Variants in TENM1 observed in about 807,000 individuals in gnomAD.
TENM1 encodes the protein teneurin transmembrane protein 1.
A neutral mutation model predicts 174.8 loss-of-function variants in TENM1; 35 were observed. The ratio of observed to expected loss-of-function variants is 0.20; its 90% CI spans 0.15 to 0.27. The LOEUF (loss-of-function observed/expected upper bound fraction) is 0.27, where lower values mean the gene tolerates loss of function less well. TENM1 is among the 10% of genes least tolerant of loss of function. TENM1 has a pLI of 1.00. For synonymous variants in TENM1, 781 were observed against 798.7 expected, an observed-to-expected ratio of 0.98 and a Z score of 0.37; for missense variants, 1,633 against 2,130.1, an observed-to-expected ratio of 0.77 and a Z score of 4.59.
intron 18 of TENM1, among the ~76,000 whole-genome samples, chrX:124,508,087 A>C (rs770965310): frequency 1.9e-4 from 21 of 112,544 alleles, no homozygotes; most frequent in African/African-American, 6.8e-4. Context: ...CAAAAGACAA[A>C]AAACCGAAAG....
chrX:124,513,045 T>C (rs909049862), intron 18 of TENM1, among the ~76,000 whole-genome samples: 2 of 111,811 alleles, frequency 1.8e-5, no homozygotes, highest in Non-Finnish European at 3.8e-5. Context: ...TAGTTTCCAA[T>C]GTCTGCTGTA....
intron 1 of TENM1, among the ~76,000 whole-genome samples, chrX:124,904,058 C>CGT (rs1347513301): frequency 2.8e-5 from 3 of 106,235 alleles, no homozygotes; most frequent in Admixed American, 9.8e-5. Flanking sequence ...TCAATGGGTG[C>CGT]GTGTGTGTGT....
At chrX:124,724,622 C>G (rs1276249126) in intron 4 of TENM1, among the ~76,000 whole-genome samples, 2 of 110,953 alleles carry the variant, frequency 1.8e-5, no homozygotes, top group Non-Finnish European at 3.8e-5. Flanking sequence ...ATGGCAAAAC[C>G]CCATATCTAC....
intron 1 of TENM1, among the ~76,000 whole-genome samples, chrX:124,923,357 TTGTTTAA>T (rs1302949314): frequency 2.7e-5 from 3 of 111,968 alleles, no homozygotes; most frequent in Non-Finnish European, 5.6e-5. Flanking sequence ...TTTCATCATT[TTGTTTAA>T]TGTTTGTCAC....
At chrX:124,626,848 T>A (rs2050648532) in intron 11 of TENM1, among the ~76,000 whole-genome samples, 1 of 111,781 alleles carries the variant, frequency 8.9e-6, no homozygotes, top group African/African-American at 3.3e-5. Context: ...TATACACCAA[T>A]CCTGCTGATA....
At chrX:124,641,974 T>A in exon 11 of TENM1, 1 of 1,211,255 alleles carries the variant, frequency 8.3e-7, no homozygotes, top group South Asian at 1.8e-5. Context: ...TTGGAACACA[T>A]TGGGTCTAGG....
chrX:124,428,094 A>G (rs111932456), intron 23 of TENM1, among the ~76,000 whole-genome samples: 1,539 of 112,056 alleles, frequency 0.014, 25 homozygotes, highest in African/African-American at 0.047. Context: ...GAAATGTCAA[A>G]ATGCATTTAA....
At chrX:124,398,573 A>C (rs1223491996) in intron 27 of TENM1, among the ~76,000 whole-genome samples, 1 of 112,280 alleles carries the variant, frequency 8.9e-6, no homozygotes, top group Non-Finnish European at 1.9e-5. Context: ...ATTCTTTAAA[A>C]ATTATTTCAT....
intron 11 of TENM1, among the ~76,000 whole-genome samples, chrX:124,627,863 C>A (rs1371295623): frequency 3.6e-5 from 4 of 111,406 alleles, no homozygotes; most frequent in Non-Finnish European, 7.5e-5. Context: ...ATGCTGGCTT[C>A]CTTCTTGAGA....
chrX:124,700,603 G>A (rs748546419), intron 5 of TENM1, among the ~76,000 whole-genome samples: 1 of 111,230 alleles, frequency 9.0e-6, no homozygotes, highest in South Asian at 3.8e-4. Flanking sequence ...AAAGAGTTGG[G>A]CTTTGGTAAG....
chrX:124,743,575 T>A (rs1052972277), intron 3 of TENM1, among the ~76,000 whole-genome samples: 1 of 112,001 alleles, frequency 8.9e-6, no homozygotes, highest in Admixed American at 9.5e-5. Flanking sequence ...CTAGTTTCCA[T>A]GGGCTCAACC....
rs373419421 is a variant in TENM1 at position 124,848,635 on chromosome X, C to T, written c.535+45661G>A. On this transcript the variant is annotated intron_variant, in intron 3 of 31. Coordinates refer to ENST00000422452, the Ensembl canonical transcript of TENM1. ...GGAATCTATTACTGCAGGATAATTC[C>T]CACAGGTACATAAATATGTACATAC... is the stretch of plus-strand genomic sequence containing the variant. 5.5e-4 allele frequency among the ~76,000 whole-genome samples: 61 copies of T among 110,529 alleles called. No individual in the cohort carries two copies. In the South Asian group the frequency reaches 0.021, roughly 39 times the overall value.
At chrX:124,481,695 GTA>G (rs761348190) in intron 22 of TENM1, 35 bp downstream of exon 25, 1,672 of 254,852 alleles carry the variant, frequency 6.6e-3, no homozygotes, top group East Asian at 0.016. Context: ...TGACCCAAGG[GTA>G]TATATATATA....
chrX:125,166,048 G>T, the TENM1 span, among the ~76,000 whole-genome samples: 34 of 111,136 alleles, frequency 3.1e-4, no homozygotes, highest in Non-Finnish European at 6.1e-4. Context: ...ACTCGTTAGG[G>T]AGTAGACACT....
At chrX:124,491,481 G>A (rs769543637) in intron 20 of TENM1, among the ~76,000 whole-genome samples, 12 of 111,452 alleles carry the variant, frequency 1.1e-4, no homozygotes, top group South Asian at 3.8e-4. Flanking sequence ...TTTTAAAGTC[G>A]CAGAGGTTTA....
At chrX:124,436,003 T>C (rs768424362) in intron 23 of TENM1, among the ~76,000 whole-genome samples, 6 of 111,487 alleles carry the variant, frequency 5.4e-5, no homozygotes, top group Non-Finnish European at 9.4e-5. Context: ...CTGGCTGAGG[T>C]CTCCCAATAA....
intron 20 of TENM1, among the ~76,000 whole-genome samples, chrX:124,490,428 G>A (rs183569901): frequency 5.4e-5 from 6 of 111,822 alleles, no homozygotes; most frequent in East Asian, 2.8e-4. Flanking sequence ...TTCCTTCAGC[G>A]GAGAGCTCTA....
intron 31 of TENM1, 41 bp from the exon 35 acceptor site, chrX:124,381,335 G>A (rs1310496582): frequency 1.8e-6 from 2 of 1,131,038 alleles, no homozygotes; most frequent in Non-Finnish European, 2.4e-6. Context: ...CATGGAGTTA[G>A]ACATCTGTCA....
chrX:125,198,598 C>T, the TENM1 span, among the ~76,000 whole-genome samples: 3 of 111,557 alleles, frequency 2.7e-5, no homozygotes, highest in African/African-American at 9.8e-5. Flanking sequence ...AGAGATGGCA[C>T]TGATTTTTCG....
Sources: gnomAD v4.1 joint callset for allele counts (sites outside exome capture counted in the v4.1 genomes callset) on GRCh38, gnomAD v4.1.1 for gene constraint, MANE v1.5 for transcripts, NCBI Gene and HGNC (gene_info 2026-07-23, HGNC 2026-07-21) for gene names.